AKAP6: variants seen among roughly 807,000 people sequenced by gnomAD.
AKAP6 encodes A-kinase anchoring protein 6, also known as A-kinase anchor protein 6.
A neutral mutation model predicts 188.5 loss-of-function variants in AKAP6; 58 were observed. That is an observed-to-expected ratio of 0.31 (90% confidence interval 0.25 to 0.38). The LOEUF (loss-of-function observed/expected upper bound fraction) is 0.38, where lower values mean the gene tolerates loss of function less well. Among genes scored for constraint, AKAP6 ranks in the 10% least tolerant of loss-of-function variants. The probability of loss-of-function intolerance (pLI) is 1.00; values close to 1 mark genes in which losing one functional copy is unlikely to be tolerated. For synonymous variants in AKAP6, 989 were observed against 998.6 expected, an observed-to-expected ratio of 0.99 and a Z score of 0.18; for missense variants, 2,710 against 2,740.0, an observed-to-expected ratio of 0.99 and a Z score of 0.24.
intron 8 of AKAP6, among the ~76,000 whole-genome samples, chr14:32,684,465 A>G (rs1008194186): frequency 1.3e-5 from 2 of 152,222 alleles, no homozygotes; most frequent in Non-Finnish European, 2.9e-5. Context: ...TTAAAGCTGT[A>G]GGTAAAAAGC....
intron 10 of AKAP6, 76 bp downstream of exon 10, chr14:32,732,676 A>G (rs755415153): frequency 1.3e-6 from 2 of 1,490,836 alleles, no homozygotes; most frequent in Non-Finnish European, 1.9e-6. Flanking sequence ...CCGATTTCTA[A>G]TTTGAGGCAC....
At chr14:32,527,847 A>G (rs919643853) in intron 2 of AKAP6, among the ~76,000 whole-genome samples, 2 of 152,144 alleles carry the variant, frequency 1.3e-5, no homozygotes, top group Non-Finnish European at 2.9e-5. Context: ...TATATTTTGA[A>G]TAATGATCCT....
At chr14:32,344,342 A>G (rs1886994302) in intron 1 of AKAP6, among the ~76,000 whole-genome samples, 1 of 152,092 alleles carries the variant, frequency 6.6e-6, no homozygotes, top group Non-Finnish European at 1.5e-5. Context: ...ATGCCTACAT[A>G]GTGGCATGAT....
chr14:32,773,721 C>T lies in AKAP6; in HGVS notation c.3416C>T (p.Ser1139Phe). ...EIKQRRRGVA[S>F]ILRLCQHLLD... ...AAGCAACGACGTCGAGGAGTTGCCTCCATTCTGCGACTATGCCAGCATCTT... is the reference window on the plus strand; with the variant it reads ...AAGCAACGACGTCGAGGAGTTGCCTTCATTCTGCGACTATGCCAGCATCTT... Residue 1139 changes from serine (S) to phenylalanine (F), a missense_variant, in exon 12 of 14, where the codon TCC becomes TTC. This residue lies in a region of AKAP6 where 2,473 missense variants were observed against 2,426.1 expected (regional missense o/e 1.02). Coordinates refer to ENST00000280979, the MANE Select transcript of AKAP6 (RefSeq NM_004274.5). The T allele has an allele frequency of 6.2e-7, 1 of 1,614,114 alleles. No individual in the cohort carries two copies.
intron 1 of AKAP6, among the ~76,000 whole-genome samples, chr14:32,361,894 C>T (rs183136480): frequency 9.9e-5 from 15 of 151,226 alleles, no homozygotes; most frequent in Admixed American, 3.3e-4. Flanking sequence ...ATGCCGGTTG[C>T]GGGGGCTCTT....
intron 2 of AKAP6, among the ~76,000 whole-genome samples, chr14:32,509,150 A>G (rs1310596621): frequency 8.6e-5 from 5 of 58,372 alleles, no homozygotes; most frequent in Admixed American, 4.0e-4. Flanking sequence ...TTTTTGAGAG[A>G]GTCTTGCTCT....
chr14:32,605,218 G>C (rs1886084334), intron 7 of AKAP6, among the ~76,000 whole-genome samples: 1 of 152,136 alleles, frequency 6.6e-6, no homozygotes, highest in Non-Finnish European at 1.5e-5. Flanking sequence ...TAGGAACAAA[G>C]TGCTATAAAT....
At chr14:32,495,581 T>C (rs1880271506) in intron 2 of AKAP6, among the ~76,000 whole-genome samples, 2 of 152,194 alleles carry the variant, frequency 1.3e-5, no homozygotes, top group Non-Finnish European at 2.9e-5. Flanking sequence ...CTTCGTATTG[T>C]TGTTACCCAA....
chr14:32,700,084 A>G lies in AKAP6; in HGVS notation c.3000+3974A>G, dbSNP rs184895616. On this transcript the variant is annotated intron_variant, in intron 9 of 13. Transcript: ENST00000280979. ...GGAAGCTCATGACACCTCCTCCCCC[A>G]TTCTCTAAGTGTTATAGACTGAGTG... 2.0e-5 allele frequency among the ~76,000 whole-genome samples: 3 copies of G among 152,244 alleles called. No individual in the cohort carries two copies. In the East Asian group the frequency reaches 5.8e-4, roughly 29 times the overall value.
chr14:32,475,819 A>C (rs952800337), intron 2 of AKAP6, among the ~76,000 whole-genome samples: 2 of 151,578 alleles, frequency 1.3e-5, no homozygotes, highest in Admixed American at 6.6e-5. Context: ...CTGGGACTAC[A>C]GGCGCCCGCC....
chr14:32,553,425 G>C (rs1390773905), intron 4 of AKAP6, among the ~76,000 whole-genome samples: 1 of 151,962 alleles, frequency 6.6e-6, no homozygotes, highest in East Asian at 1.9e-4. Flanking sequence ...ACTTGCCTTG[G>C]CCTCCCGAAG....
chr14:32,638,384 T>C (rs1427272781), intron 7 of AKAP6, among the ~76,000 whole-genome samples: 2 of 152,152 alleles, frequency 1.3e-5, no homozygotes, highest in East Asian at 3.9e-4. Flanking sequence ...CTCTATTTTG[T>C]ATGCCAGTGT....
At chr14:32,773,531 TA>T in intron 11 of AKAP6, 146 bp from the exon 12 acceptor site, 1 of 758,242 alleles carries the variant, frequency 1.3e-6, no homozygotes, top group Non-Finnish European at 2.1e-6. Flanking sequence ...GCCTCCATTC[TA>T]AAAGGGACAT....
rs948605470 is a variant in AKAP6 at position 32,357,454 on chromosome 14, C to A, written c.-35+28046C>A. The stretch of plus-strand genomic sequence containing the variant: ...TATTTTGTATGATGTTCTTTTCTCC[C>A]ATATCACATCTATAAATGTTTATCG... On this transcript the variant is annotated intron_variant, in intron 1 of 13. Coordinates refer to ENST00000280979, the MANE Select transcript of AKAP6 (RefSeq NM_004274.5). Among the ~76,000 whole-genome samples, 18 of 152,254 alleles carry A rather than the reference C, an allele frequency of 1.2e-4. 1 individual carries two copies. Among genetic ancestry groups the A allele is most frequent in the African/African-American group, 4.3e-4 (18 of 41,540 alleles).
intron 11 of AKAP6, among the ~76,000 whole-genome samples, chr14:32,748,815 T>A (rs1234587083): frequency 1.3e-5 from 2 of 152,206 alleles, no homozygotes; most frequent in African/African-American, 4.8e-5. Flanking sequence ...TTTCCTCTTT[T>A]GAGCAAGGCG....
At chr14:32,339,682 T>A (rs1484969285) in intron 1 of AKAP6, among the ~76,000 whole-genome samples, 1 of 152,146 alleles carries the variant, frequency 6.6e-6, no homozygotes, top group Non-Finnish European at 1.5e-5. Context: ...TTGATGAAAG[T>A]TTCAGATAGG....
At chr14:32,636,929 T>C (rs1446261929) in intron 7 of AKAP6, among the ~76,000 whole-genome samples, 1 of 151,726 alleles carries the variant, frequency 6.6e-6, no homozygotes, top group East Asian at 1.9e-4. Context: ...GTGCAGAGGA[T>C]GGTTGGGGGA....
chr14:32,651,085 T>C (rs1469582677), intron 7 of AKAP6, among the ~76,000 whole-genome samples: 1 of 152,164 alleles, frequency 6.6e-6, no homozygotes, highest in Non-Finnish European at 1.5e-5. Context: ...GGGACTTGTG[T>C]AGGTTATTTG....
At chr14:32,762,546 C>T (rs375247102) in intron 11 of AKAP6, among the ~76,000 whole-genome samples, 7 of 152,084 alleles carry the variant, frequency 4.6e-5, no homozygotes, top group East Asian at 1.9e-4. Context: ...CCGCAGCTTT[C>T]GTGGGATAAC....
Sources: allele counts gnomAD v4.1 joint callset (sites outside exome capture counted in the v4.1 genomes callset), GRCh38; gene constraint gnomAD v4.1.1; regional missense constraint gnomAD v4.1.1; transcripts MANE v1.5; gene names NCBI Gene and HGNC (gene_info 2026-07-23, HGNC 2026-07-21).